Variants in FOCAD observed in about 807,000 individuals in gnomAD.
FOCAD encodes focadhesin.
FOCAD carries 198 observed loss-of-function variants against 225.6 expected under a neutral mutation model. The ratio of observed to expected loss-of-function variants is 0.88; its 90% CI spans 0.78 to 0.99. The LOEUF is 0.99. FOCAD is among the 50% of genes least tolerant of loss of function. The pLI is 0.00. For missense variants in FOCAD, 2,713 were observed against 2,123.6 expected (o/e 1.28, Z -5.46); for synonymous variants, 897 against 755.0 (o/e 1.19, Z -3.08).
At chr9:20,769,210 A>C (rs897588387) in intron 7 of FOCAD, among the ~76,000 whole-genome samples, 1 of 152,110 alleles carries the variant, frequency 6.6e-6, no homozygotes, top group African/African-American at 2.4e-5. Flanking sequence ...GCTAGCAACT[A>C]ATTTTTCTCT....
At chr9:20,882,190 T>A (rs992536229) in intron 20 of FOCAD, 134 bp downstream of exon 20, 2 of 766,664 alleles carry the variant, frequency 2.6e-6, no homozygotes, top group Non-Finnish European at 4.2e-6. Flanking sequence ...ATAAAAATCA[T>A]CGCACTTTAA....
chr9:20,990,030 A>C, intron 41 of FOCAD, 93 bp from the exon 42 acceptor site: 1 of 1,464,870 alleles, frequency 6.8e-7, no homozygotes, highest in Non-Finnish European at 9.4e-7. Context: ...GGGGAAGATG[A>C]CATTGCCTCA....
chr9:20,971,393 G>A lies in FOCAD; in HGVS notation c.4133-5027G>A, dbSNP rs557206623. ...GCATCTTCTTTTTTAAAACATTGTA[G>A]TGATAAGTACACAATGTAAAATTTA... On this transcript the variant is annotated intron_variant, in intron 35 of 43. Coordinates refer to ENST00000338382, the MANE Select transcript of FOCAD (RefSeq NM_001375567.1). Among the ~76,000 whole-genome samples, 5 of 152,056 alleles carry A rather than the reference G, an allele frequency of 3.3e-5. No homozygotes were observed. In the East Asian group the frequency reaches 9.6e-4, roughly 29 times the overall value.
chr9:20,863,002 T>C (rs1235862595), intron 16 of FOCAD: 2 of 211,662 alleles, frequency 9.4e-6, no homozygotes, highest in African/African-American at 4.6e-5. Context: ...AAGCCAACCA[T>C]TAAAAATCAT....
chr9:20,800,500 T>G (rs1821677574), intron 11 of FOCAD, among the ~76,000 whole-genome samples: 1 of 152,170 alleles, frequency 6.6e-6, no homozygotes, highest in African/African-American at 2.4e-5. Context: ...AGATGTAAAT[T>G]TGGTCTTTTC....
At chr9:20,925,500 A>T (rs79522359) in intron 25 of FOCAD, among the ~76,000 whole-genome samples, 4,255 of 152,332 alleles carry the variant, frequency 0.028, 68 homozygotes, top group Middle Eastern at 0.051. Context: ...CTGTTACTCA[A>T]TGCAAATTCA....
chr9:20,923,565 T>C, intron 24 of FOCAD, 95 bp from the exon 25 acceptor site: 1 of 791,824 alleles, frequency 1.3e-6, no homozygotes, highest in Non-Finnish European at 2.1e-6. Context: ...GAACACAAGT[T>C]GCTTTTTGAC....
At chr9:20,737,244 T>C (rs1827221514) in intron 4 of FOCAD, among the ~76,000 whole-genome samples, 1 of 152,220 alleles carries the variant, frequency 6.6e-6, no homozygotes, top group African/African-American at 2.4e-5. Flanking sequence ...AAAGTAAATG[T>C]GATGTCTATT....
chr9:20,960,575 A>G (rs1253928912), intron 35 of FOCAD, among the ~76,000 whole-genome samples: 1 of 152,130 alleles, frequency 6.6e-6, no homozygotes, highest in Non-Finnish European at 1.5e-5. Context: ...TTAAAAATCC[A>G]TGAATCCATC....
chr9:20,697,195 T>C (rs548145534), intron 1 of FOCAD, among the ~76,000 whole-genome samples: 31 of 152,368 alleles, frequency 2.0e-4, no homozygotes, highest in African/African-American at 7.2e-4. Context: ...TCTACTGCTG[T>C]TATCCTTGTC....
At chr9:20,939,004 G>A (rs1022583856) in intron 28 of FOCAD, among the ~76,000 whole-genome samples, 1 of 151,272 alleles carries the variant, frequency 6.6e-6, no homozygotes, top group Non-Finnish European at 1.5e-5. Context: ...AAAAAAATTA[G>A]CAGGGCGTGG....
rs750633612 is a variant in FOCAD, at chr9:20,758,162, G to C, written c.465G>C (p.Leu155=). ...GCTGGCCAGTGTTTTTGCAGCAGCT[G>C]ACAGCGTTTTTCCAGCAGTGCCCTG... ...PDCWPVFLQQ[L]TAFFQQCPER... The change falls in exon 6 of 44, where the codon CTG becomes CTC. Residue 155 remains leucine, a synonymous_variant. Coordinates refer to ENST00000338382, the MANE Select transcript of FOCAD (RefSeq NM_001375567.1). The C allele has an allele frequency of 6.2e-7, 1 of 1,612,320 alleles. No homozygotes were observed. Among genetic ancestry groups the C allele is most frequent in the Non-Finnish European group, 8.5e-7 (1 of 1,179,242 alleles).
chr9:20,698,356 A>G (rs1313242811), intron 1 of FOCAD, among the ~76,000 whole-genome samples: 2 of 152,018 alleles, frequency 1.3e-5, no homozygotes, highest in African/African-American at 4.8e-5. Context: ...TATATATACT[A>G]TATGTGTATA....
At chr9:20,895,384 G>A (rs950740020) in intron 21 of FOCAD, among the ~76,000 whole-genome samples, 1 of 151,860 alleles carries the variant, frequency 6.6e-6, no homozygotes, top group Non-Finnish European at 1.5e-5. Flanking sequence ...TGATTGCATT[G>A]AATGTATAGA....
chr9:20,716,149 C>A (rs754061141), intron 2 of FOCAD: 1 of 481,496 alleles, frequency 2.1e-6, no homozygotes, highest in South Asian at 1.6e-5. Flanking sequence ...AGGAGTAGAA[C>A]ACTCCTTATG....
chr9:20,798,330 A>C (rs10964708), intron 11 of FOCAD, among the ~76,000 whole-genome samples: 72,197 of 151,564 alleles, frequency 0.48, 17,371 homozygotes, highest in Middle Eastern at 0.52. Context: ...TGTCTCTGCC[A>C]GGCTTTGGTA....
chr9:20,857,661 C>T (rs892929691), intron 15 of FOCAD, among the ~76,000 whole-genome samples: 3 of 151,606 alleles, frequency 2.0e-5, no homozygotes, highest in Admixed American at 1.3e-4. Flanking sequence ...TTGTCTTGTT[C>T]CATATCTTAA....
chr9:20,917,810 TG>T (rs1375914681), intron 24 of FOCAD, among the ~76,000 whole-genome samples: 1 of 152,170 alleles, frequency 6.6e-6, no homozygotes, highest in African/African-American at 2.4e-5. Context: ...GAACAAAAAA[TG>T]ATCTACCTTA....
intron 5 of FOCAD, among the ~76,000 whole-genome samples, 154 bp downstream of exon 5, chr9:20,740,494 C>T (rs1827522395): frequency 6.6e-6 from 1 of 152,100 alleles, no homozygotes; most frequent in Non-Finnish European, 1.5e-5. Context: ...GTTAGCGTTT[C>T]AAAGACTCAG....
Sources: allele counts gnomAD v4.1 joint callset (sites outside exome capture counted in the v4.1 genomes callset), GRCh38; gene constraint gnomAD v4.1.1; transcripts MANE v1.5; gene names NCBI Gene and HGNC (gene_info 2026-07-23, HGNC 2026-07-21).